DEFB108B: variants seen among roughly 807,000 people sequenced by gnomAD.
The protein encoded by DEFB108B is beta-defensin 108B.
DEFB108B carries 3 observed loss-of-function variants against 2.4 expected under a neutral mutation model. That is an observed-to-expected ratio of 1.25 (90% CI 0.57 to 3.24). The LOEUF (loss-of-function observed/expected upper bound fraction) is 3.24. DEFB108B is among the 30% of genes most tolerant of loss of function. DEFB108B has a pLI of 0.03. For missense variants in DEFB108B, 101 were observed against 87.8 expected (o/e 1.15, Z -0.60); for synonymous variants, 25 against 28.7 (o/e 0.87, Z 0.41).
At position 71,833,354 on chromosome 11, in the gene DEFB108B, G is replaced by C. The variant is rs536058241; in HGVS notation, c.58+97G>C. The C allele has an allele frequency of 4.2e-5, 64 of 1,540,798 alleles. 1 individual carries two copies. The South Asian group carries it at 6.8e-4, about 16-fold the overall frequency. On this transcript the variant is annotated intron_variant, in intron 1 of 1. Transcript: ENST00000328698. ...CCATCACCTATAACCAGAAAAGGGGGTCTCATAGGAAATCTGGAAGACTCA... is the reference window on the plus strand; with the variant it reads ...CCATCACCTATAACCAGAAAAGGGGCTCTCATAGGAAATCTGGAAGACTCA...
rs757438969 is a variant in DEFB108B at position 71,837,593 on chromosome 11, T to C, written c.*31T>C. On this transcript the variant is annotated 3_prime_UTR_variant, in exon 2 of 2. Transcript: ENST00000328698. ...GTTGTTTTCTGGAGGTTTTATGTTC[T>C]CTTTTTTCTCTCTCCCTCTCTCTGT... 1.3e-5 allele frequency: 21 copies of C among 1,600,062 alleles called. No individual in the cohort carries two copies. The highest frequency in any genetic ancestry group is 1.2e-4 in the Admixed American group (7 of 58,698).
intron 1 of DEFB108B, 186 bp from the exon 2 acceptor site, chr11:71,837,213 A>G (rs1353294656): frequency 8.7e-6 from 7 of 807,484 alleles, no homozygotes; most frequent in Non-Finnish European, 1.4e-5. Context: ...AAGAACACCA[A>G]AAAATCCAAA....
chr11:71,836,065 G>A (rs1157468952), intron 1 of DEFB108B, among the ~76,000 whole-genome samples: 2 of 152,056 alleles, frequency 1.3e-5, no homozygotes, highest in African/African-American at 4.8e-5. Flanking sequence ...GCTGCAAAGG[G>A]CCAATTTTAG....
intron 1 of DEFB108B, chr11:71,836,937 T>C (rs1420286433): frequency 4.0e-5 from 4 of 100,694 alleles, no homozygotes; most frequent in African/African-American, 1.5e-4. Context: ...TCATATAGAG[T>C]GTGTGTTTGT....
In DEFB108B at chr11:71,835,669, A is replaced by G. The variant is rs546919093; in HGVS notation, c.59-1730A>G. The stretch of plus-strand genomic sequence containing the variant: ...TCTTGAAAAGTGGTTTGAAAATATA[A>G]TGCTCAATAGAATCAGGTATAGTAA... On this transcript the variant is annotated intron_variant, in intron 1 of 1. Coordinates refer to ENST00000328698, the MANE Select transcript of DEFB108B (RefSeq NM_001002035.2). Among the ~76,000 whole-genome samples, 4 of 152,338 alleles carry G rather than the reference A, an allele frequency of 2.6e-5. No individual in the cohort carries two copies. In the East Asian group the frequency reaches 7.7e-4, roughly 29 times the overall value.
chr11:71,834,222 C>T (rs1331317389), intron 1 of DEFB108B, among the ~76,000 whole-genome samples: 1 of 152,006 alleles, frequency 6.6e-6, no homozygotes, highest in African/African-American at 2.4e-5. Flanking sequence ...CTTCCTAAAG[C>T]CTGAAAAAAG....
chr11:71,836,909 T>C (rs1315492808), intron 1 of DEFB108B: 3 of 152,064 alleles, frequency 2.0e-5, no homozygotes, highest in African/African-American at 7.3e-5. Context: ...TTTTGAAAGA[T>C]ACATCTATTA....
chr11:71,835,409 GAC>G (rs1952210201), intron 1 of DEFB108B, among the ~76,000 whole-genome samples: 1 of 152,076 alleles, frequency 6.6e-6, no homozygotes, highest in Non-Finnish European at 1.5e-5. Context: ...TACTGAAAAA[GAC>G]ACAGTTTTGT....
intron 1 of DEFB108B, among the ~76,000 whole-genome samples, chr11:71,834,524 T>C (rs542589685): frequency 1.3e-5 from 2 of 152,322 alleles, no homozygotes; most frequent in African/African-American, 4.8e-5. Context: ...AAGCAACTAA[T>C]TGGATAGAAC....
At chr11:71,837,020 C>G (rs2121257652) in intron 1 of DEFB108B, 1 of 175,754 alleles carries the variant, frequency 5.7e-6, no homozygotes, top group East Asian at 1.7e-4. Flanking sequence ...CTCTTTCGCT[C>G]CAGGAAAATC....
chr11:71,835,616 G>C (rs1482761018), intron 1 of DEFB108B, among the ~76,000 whole-genome samples: 54 of 152,162 alleles, frequency 3.5e-4, no homozygotes, highest in Non-Finnish European at 5.9e-5. Flanking sequence ...TGAGATTACT[G>C]GGTCAAATGG....
chr11:71,835,641 G>GT (rs1388422770), intron 1 of DEFB108B, among the ~76,000 whole-genome samples: 1 of 152,094 alleles, frequency 6.6e-6, no homozygotes, highest in Non-Finnish European at 1.5e-5. Flanking sequence ...TCTGTATTAA[G>GT]TTTCTTGAAA....
chr11:71,835,200 G>A (rs1812733562), intron 1 of DEFB108B, among the ~76,000 whole-genome samples: 1 of 152,170 alleles, frequency 6.6e-6, no homozygotes, highest in South Asian at 2.1e-4. Context: ...CACGCAGGTA[G>A]GGTGTACCTA....
At position 71,833,221 on chromosome 11, in the gene DEFB108B, TTC is replaced by T; in HGVS notation, c.23_24del (p.Phe8CysfsTer21). ...AGCCATGAGGATTGCTGTCCTCCTC[TTC>T]GCCATTTTCTTCTTTATGAGCCAAG... MRIAVLL[F>X]AIFFFMSQVL... On this transcript the variant is annotated frameshift_variant, in exon 1 of 2. Coordinates refer to ENST00000328698, the MANE Select transcript of DEFB108B (RefSeq NM_001002035.2). LOFTEE classifies it low-confidence loss of function (END_TRUNC). 1.2e-6 allele frequency: 2 copies of T among 1,603,796 alleles called. No homozygotes were observed. Among genetic ancestry groups the T allele is most frequent in the Middle Eastern group, 4.5e-4 (2 of 4,404 alleles).
intron 1 of DEFB108B, 68 bp from the exon 2 acceptor site, chr11:71,837,331 T>C: frequency 6.4e-7 from 1 of 1,571,188 alleles, no homozygotes; most frequent in Non-Finnish European, 8.7e-7. Context: ...GCCCCCTACA[T>C]CCATGTAATT....
chr11:71,837,049 A>AT, intron 1 of DEFB108B: 1 of 224,694 alleles, frequency 4.5e-6, no homozygotes, highest in Non-Finnish European at 8.8e-6. Flanking sequence ...AAGACATTAA[A>AT]TTTTTTTAAA....
chr11:71,837,433 A>G lies in DEFB108B; in HGVS notation c.93A>G (p.Pro31=). Residue 31 remains proline, a synonymous_variant, in exon 2 of 2, where the codon CCA becomes CCG. Coordinates refer to ENST00000328698, the MANE Select transcript of DEFB108B (RefSeq NM_001002035.2). Reference sequence around the variant, plus strand: ...AATTCAAGGAGATCTGTGAACGTCCAAATGGCTCCTGTCGGGACTTTTGCC... The same window carrying G: ...AATTCAAGGAGATCTGTGAACGTCCGAATGGCTCCTGTCGGGACTTTTGCC... ...RGKFKEICER[P]NGSCRDFCLE... 1 of 1,611,996 alleles carries G rather than the reference A, an allele frequency of 6.2e-7. No homozygotes were observed. The highest frequency in any genetic ancestry group is 8.5e-7 in the Non-Finnish European group (1 of 1,179,826).
chr11:71,835,292 T>C (rs1359490309), intron 1 of DEFB108B, among the ~76,000 whole-genome samples: 3 of 152,176 alleles, frequency 2.0e-5, no homozygotes, highest in East Asian at 3.8e-4. Flanking sequence ...TTTATGTCCA[T>C]GTGCACTTAT....
At position 71,837,456 on chromosome 11, in the gene DEFB108B, G is replaced by A. The variant is rs373789469; in HGVS notation, c.116G>A (p.Cys39Tyr). ...ERPNGSCRDF[C>Y]LETEIHVGRC... The stretch of plus-strand genomic sequence containing the variant: ...CCAAATGGCTCCTGTCGGGACTTTT[G>A]CCTTGAAACAGAAATCCATGTTGGG... The change falls in exon 2 of 2, where the codon TGC becomes TAC. Residue 39 changes from cysteine to tyrosine, a missense_variant. Coordinates refer to ENST00000328698, the MANE Select transcript of DEFB108B (RefSeq NM_001002035.2). 6.2e-7 allele frequency: 1 copy of A among 1,611,966 alleles called. No homozygotes were observed. Among genetic ancestry groups the A allele is most frequent in the Non-Finnish European group, 8.5e-7 (1 of 1,179,838 alleles).
Sources: allele counts gnomAD v4.1 joint callset (sites outside exome capture counted in the v4.1 genomes callset), GRCh38; gene constraint gnomAD v4.1.1; transcripts MANE v1.5; gene names NCBI Gene and HGNC (gene_info 2026-07-23, HGNC 2026-07-21).